The following CPEB1 variants were observed in gnomAD, a reference collection of about 807,000 sequenced individuals.
CPEB1 encodes the protein cytoplasmic polyadenylation element binding protein 1, also known as cytoplasmic polyadenylation element-binding protein 1.
CPEB1 carries 7 observed loss-of-function variants against 65.8 expected under a neutral mutation model. The ratio of observed to expected loss-of-function variants is 0.11; its 90% CI spans 0.06 to 0.20. CPEB1 has a LOEUF of 0.20. CPEB1 is among the 10% of genes least tolerant of loss of function. The probability of loss-of-function intolerance (pLI) is 1.00; values close to 1 mark genes in which losing one functional copy is unlikely to be tolerated. For synonymous variants in CPEB1, 262 were observed against 260.0 expected (o/e 1.01, Z -0.08); for missense variants, 551 against 712.2 (o/e 0.77, Z 2.58).
At chr15:82,549,740 G>A (rs1325485485) in intron 9 of CPEB1, 82 bp from the exon 10 acceptor site, 3 of 1,346,882 alleles carry the variant, frequency 2.2e-6, no homozygotes, top group African/African-American at 2.9e-5. Flanking sequence ...ACGTGCTCTG[G>A]AGATACTGAA....
chr15:82,593,920 G>A (rs1050615336), intron 3 of CPEB1, among the ~76,000 whole-genome samples: 19 of 152,102 alleles, frequency 1.2e-4, no homozygotes, highest in African/African-American at 4.1e-4. Context: ...CTCAACAGTG[G>A]GCTTTAAACA....
At chr15:82,628,315 TGAAGATTTCCAAGACATGGACCTTGGA>T in intron 2 of CPEB1, 22 bp downstream of exon 2, 2 of 701,594 alleles carry the variant, frequency 2.9e-6, no homozygotes, top group Non-Finnish European at 5.2e-6. Context: ...AGGTTGGGAG[TGAAGATTTCCAAGACATGGACCTTGGA>T]GAAATCCAAG....
rs1292368791 is a variant in CPEB1, at chr15:82,549,678, G to T, written c.1282-20C>A. ...CTGCACCTGAAAACCACCCAAAGGT[G>T]TATCAGCCCTGGCAGAGAGCCACAG... On this transcript the variant is annotated intron_variant, in intron 9 of 12. Transcript: ENST00000684509. The T allele has an allele frequency of 2.5e-6, 4 of 1,611,954 alleles. No homozygotes were observed. Among genetic ancestry groups the T allele is most frequent in the Admixed American group, 1.7e-5 (1 of 59,986 alleles).
intron 3 of CPEB1, among the ~76,000 whole-genome samples, chr15:82,603,901 T>C (rs1010699917): frequency 2.0e-5 from 3 of 152,210 alleles, no homozygotes; most frequent in African/African-American, 7.2e-5. Context: ...TTATTTCCAA[T>C]GTCCAATTTT....
intron 3 of CPEB1, among the ~76,000 whole-genome samples, chr15:82,578,177 G>C (rs2040874989): frequency 6.6e-6 from 1 of 152,120 alleles, no homozygotes; most frequent in East Asian, 1.9e-4. Context: ...CATTGATAAA[G>C]CATTATTGGT....
At chr15:82,630,376 A>G (rs1323312448) in intron 1 of CPEB1, among the ~76,000 whole-genome samples, 2 of 152,184 alleles carry the variant, frequency 1.3e-5, no homozygotes, top group Non-Finnish European at 2.9e-5. Flanking sequence ...TGAAGTCTGG[A>G]AAAGAACTTT....
At chr15:82,612,484 G>A (rs577338199) in intron 3 of CPEB1, among the ~76,000 whole-genome samples, 8 of 137,102 alleles carry the variant, frequency 5.8e-5, no homozygotes, top group East Asian at 4.2e-4. Flanking sequence ...GTAACAGAGC[G>A]AGAGTCTGTC....
At chr15:82,570,278 T>C (rs969185518) in intron 4 of CPEB1, among the ~76,000 whole-genome samples, 7 of 152,126 alleles carry the variant, frequency 4.6e-5, no homozygotes, top group African/African-American at 4.8e-5. Flanking sequence ...AGACAGTACC[T>C]TGCTGCCATG....
At chr15:82,648,384 G>GC (rs1440822783), upstream of CPEB1, 1 of 152,644 alleles carries the variant, frequency 6.6e-6, no homozygotes, top group Non-Finnish European at 1.5e-5. Context: ...GCGAGAGCCT[G>GC]CCCTGGCATC....
chr15:82,559,657 G>A (rs1348110451), intron 4 of CPEB1, among the ~76,000 whole-genome samples: 1 of 152,180 alleles, frequency 6.6e-6, no homozygotes, highest in Non-Finnish European at 1.5e-5. Context: ...TGTTTTTCAA[G>A]GAAACATTCC....
At chr15:82,590,959 T>C (rs575595561) in intron 3 of CPEB1, among the ~76,000 whole-genome samples, 3 of 152,340 alleles carry the variant, frequency 2.0e-5, no homozygotes, top group South Asian at 2.1e-4. Context: ...CTATTGTGAA[T>C]AGCACTGCAA....
intron 4 of CPEB1, among the ~76,000 whole-genome samples, chr15:82,562,987 G>A (rs1247941610): frequency 6.6e-6 from 1 of 152,280 alleles, no homozygotes; most frequent in East Asian, 1.9e-4. Flanking sequence ...AAAACACTGG[G>A]TGGGAGTGGA....
chr15:82,580,190 A>C (rs1211087615), intron 3 of CPEB1, among the ~76,000 whole-genome samples: 1 of 151,046 alleles, frequency 6.6e-6, no homozygotes, highest in Non-Finnish European at 1.5e-5. Context: ...GCATGGTGCC[A>C]CGTGCCTGTA....
chr15:82,612,068 A>C (rs2044210176), intron 3 of CPEB1, among the ~76,000 whole-genome samples: 1 of 152,026 alleles, frequency 6.6e-6, no homozygotes, highest in Admixed American at 6.6e-5. Flanking sequence ...CAAAAAAATA[A>C]GATAAAATAA....
chr15:82,551,020 C>G (rs1312747900), intron 9 of CPEB1, among the ~76,000 whole-genome samples: 2 of 151,978 alleles, frequency 1.3e-5, no homozygotes, highest in African/African-American at 4.8e-5. Flanking sequence ...GTTGTGAAAG[C>G]AGGAGGGGAG....
chr15:82,629,742 A>T, intron 1 of CPEB1: 9 of 985,210 alleles, frequency 9.1e-6, no homozygotes, highest in Non-Finnish European at 1.1e-5. Flanking sequence ...TTAATATCTC[A>T]TAAGCTGGTC....
chr15:82,548,266 C>T (rs2035621391), intron 10 of CPEB1, among the ~76,000 whole-genome samples: 1 of 151,920 alleles, frequency 6.6e-6, no homozygotes, highest in African/African-American at 2.4e-5. Context: ...ACCCAGGAGG[C>T]AGAGGTTGCA....
At chr15:82,580,618 C>T (rs783532) in intron 3 of CPEB1, among the ~76,000 whole-genome samples, 61,292 of 151,764 alleles carry the variant, frequency 0.4, 12,423 homozygotes, top group South Asian at 0.49. Context: ...CTACTCTTCA[C>T]CTCTAGAGCT....
At chr15:82,630,105 G>C (rs1328163437) in intron 1 of CPEB1, 3 of 985,412 alleles carry the variant, frequency 3.0e-6, no homozygotes, top group South Asian at 9.4e-5. Flanking sequence ...AAGATGCAAA[G>C]ATTTATAACC....
Sources: allele counts gnomAD v4.1 joint callset (sites outside exome capture counted in the v4.1 genomes callset), GRCh38; gene constraint gnomAD v4.1.1; transcripts MANE v1.5; gene names NCBI Gene and HGNC (gene_info 2026-07-23, HGNC 2026-07-21).